Variants in KIFAP3 observed in about 807,000 individuals in gnomAD.
The protein encoded by KIFAP3 is kinesin associated protein 3, also known as kinesin-associated protein 3.
In KIFAP3, 68 loss-of-function variants were observed where a neutral mutation model predicts 106.5. The observed-to-expected ratio is 0.64, with a 90% CI of 0.53 to 0.78. KIFAP3 has a LOEUF of 0.78. KIFAP3 is among the 30% of genes least tolerant of loss of function. The pLI is 0.00. For synonymous variants in KIFAP3, 320 were observed against 311.5 expected, an observed-to-expected ratio of 1.03 and a Z score of -0.29; for missense variants, 780 against 941.8, an observed-to-expected ratio of 0.83 and a Z score of 2.25.
intron 11 of KIFAP3, among the ~76,000 whole-genome samples, chr1:169,990,604 T>C (rs527833667): frequency 2.6e-5 from 4 of 152,194 alleles, no homozygotes; most frequent in Admixed American, 2.6e-4. Context: ...TAATTCAAAT[T>C]AGTGGAAGGT....
At chr1:169,950,948 C>G (rs1413306209) in intron 19 of KIFAP3, among the ~76,000 whole-genome samples, 1 of 151,826 alleles carries the variant, frequency 6.6e-6, no homozygotes, top group Non-Finnish European at 1.5e-5. Context: ...ATATGCCACA[C>G]TTTCAGATCC....
intron 15 of KIFAP3, among the ~76,000 whole-genome samples, chr1:169,980,876 C>T (rs1028772054): frequency 1.4e-4 from 22 of 152,142 alleles, no homozygotes; most frequent in East Asian, 1.4e-3. Context: ...CCGAGGTGGG[C>T]GGATCACCTG....
At chr1:170,033,727 AACAGAATGCTAAACC>A (rs1466719910) in intron 7 of KIFAP3, among the ~76,000 whole-genome samples, 1 of 151,788 alleles carries the variant, frequency 6.6e-6, no homozygotes, top group African/African-American at 2.4e-5. Flanking sequence ...TATTATAATA[AACAGAATGCTAAACC>A]ACAGAATGGG....
At position 170,046,634 on chromosome 1, in the gene KIFAP3, T is replaced by C. The variant is rs894305987; in HGVS notation, c.319+78A>G. Reference sequence around the variant, plus strand: ...TCAAATATCAATAGTTTGATAAACTTTTTTTTATAGTTGCTTGATGAACTA... The same window carrying C: ...TCAAATATCAATAGTTTGATAAACTCTTTTTTATAGTTGCTTGATGAACTA... On this transcript the variant is annotated intron_variant, in intron 3 of 19. Transcript: ENST00000361580. 4.1e-6 allele frequency: 5 copies of C among 1,205,466 alleles called. No individual in the cohort carries two copies. The African/African-American group carries it at 7.8e-5, about 19-fold the overall frequency. The allele number at this position is 1,205,466 out of a possible 1,614,324, so 74.7% of individuals were successfully genotyped here. A position where few individuals can be genotyped will look rare whatever the true frequency, so the allele number is the denominator to read the frequency against.
At chr1:170,049,532 C>T (rs886293961) in intron 2 of KIFAP3, among the ~76,000 whole-genome samples, 1 of 152,332 alleles carries the variant, frequency 6.6e-6, no homozygotes, top group East Asian at 1.9e-4. Flanking sequence ...CCCCATGCCT[C>T]CTGACTGGGA....
intron 19 of KIFAP3, among the ~76,000 whole-genome samples, chr1:169,933,122 T>A (rs910596283): frequency 1.3e-5 from 2 of 152,010 alleles, no homozygotes; most frequent in Non-Finnish European, 2.9e-5. Flanking sequence ...ACTTAAAAAA[T>A]TTGATTCTAA....
At chr1:169,969,820 G>C (rs1665813240) in intron 17 of KIFAP3, among the ~76,000 whole-genome samples, 1 of 151,982 alleles carries the variant, frequency 6.6e-6, no homozygotes, top group Non-Finnish European at 1.5e-5. Context: ...CATGTTTAGA[G>C]AATAGTATCT....
intron 3 of KIFAP3, among the ~76,000 whole-genome samples, chr1:170,043,077 C>T (rs114384374): frequency 0.011 from 1,626 of 152,286 alleles, 33 homozygotes; most frequent in African/African-American, 0.035. Flanking sequence ...TGGGCATAGC[C>T]TAGCTGCAGT....
Position 170,027,177 on chromosome 1 carries a change from C to T in KIFAP3, c.842-2581G>A, listed in dbSNP as rs183676688. ...TGGGATTATAGGCATCCACCACCAA[C>T]GCCTGGCTAATTTTGTATTTTTAGT... On this transcript the variant is annotated intron_variant, in intron 8 of 19. Coordinates refer to ENST00000361580, the MANE Select transcript of KIFAP3 (RefSeq NM_014970.4). Among the ~76,000 whole-genome samples the T allele has an allele frequency of 3.7e-3, 558 of 152,068 alleles. 2 individuals are homozygous for T. Among genetic ancestry groups the T allele is most frequent in the Middle Eastern group, 0.017 (5 of 294 alleles).
chr1:170,056,063 G>A (rs1471639250), intron 1 of KIFAP3, among the ~76,000 whole-genome samples: 1 of 151,714 alleles, frequency 6.6e-6, no homozygotes, highest in Non-Finnish European at 1.5e-5. Flanking sequence ...CCCTCTGATG[G>A]TGCCACTGCA....
chr1:169,929,380 C>T (rs556040065), intron 19 of KIFAP3, among the ~76,000 whole-genome samples: 1 of 152,074 alleles, frequency 6.6e-6, no homozygotes, highest in African/African-American at 2.4e-5. Flanking sequence ...GTCTTGAACA[C>T]TGAAAAATGT....
Position 169,969,450 on chromosome 1 carries a change from A to G in KIFAP3, c.1983+3063T>C, listed in dbSNP as rs964223131. Among the ~76,000 whole-genome samples, 42 of 152,154 alleles carry G rather than the reference A, an allele frequency of 2.8e-4. 1 individual carries two copies. The highest frequency in any genetic ancestry group is 9.1e-4 in the African/African-American group (38 of 41,558). On this transcript the variant is annotated intron_variant, in intron 17 of 19. Coordinates refer to ENST00000361580, the MANE Select transcript of KIFAP3 (RefSeq NM_014970.4). ...AGCTATATTGGTTTCTTTCCTTTTA[A>G]TAAACCAGCCTTATTAAGTACAATT...
rs1033745277 is a variant in KIFAP3, at chr1:169,960,213, T to C, written c.2173+833A>G. Among the ~76,000 whole-genome samples the C allele has an allele frequency of 1.6e-4, 25 of 152,050 alleles. 1 individual carries two copies. The highest frequency in any genetic ancestry group is 2.0e-4 in the Admixed American group (3 of 15,250). ...ACACAAAATATTTAGAGAACATATATTGAGAACACTAAATGCATAGTAGAA... is the reference window on the plus strand; with the variant it reads ...ACACAAAATATTTAGAGAACATATACTGAGAACACTAAATGCATAGTAGAA... On this transcript the variant is annotated intron_variant, in intron 18 of 19. Transcript: ENST00000361580.
intron 3 of KIFAP3, among the ~76,000 whole-genome samples, chr1:170,043,622 A>G (rs1670094246): frequency 6.6e-6 from 1 of 152,156 alleles, no homozygotes; most frequent in African/African-American, 2.4e-5. Flanking sequence ...TAACAAGGGA[A>G]TGGTGAAGGG....
At chr1:170,026,923 G>C (rs1669139470) in intron 8 of KIFAP3, among the ~76,000 whole-genome samples, 2 of 150,318 alleles carry the variant, frequency 1.3e-5, no homozygotes, top group Admixed American at 1.3e-4. Context: ...CTGTTTCCAA[G>C]TAATTTAACT....
intron 16 of KIFAP3, among the ~76,000 whole-genome samples, chr1:169,976,827 A>C (rs1214064704): frequency 1.3e-5 from 2 of 152,012 alleles, no homozygotes; most frequent in Non-Finnish European, 2.9e-5. Context: ...TGTGATAATC[A>C]CTGCTTCGGT....
chr1:169,922,113 A>G (rs1160756825), intron 19 of KIFAP3, among the ~76,000 whole-genome samples: 1 of 152,234 alleles, frequency 6.6e-6, no homozygotes, highest in Non-Finnish European at 1.5e-5. Context: ...TTTACATGCT[A>G]GCAATGATCA....
intron 8 of KIFAP3, among the ~76,000 whole-genome samples, chr1:170,027,164 C>A (rs1183528773): frequency 2.6e-5 from 4 of 151,944 alleles, no homozygotes; most frequent in Admixed American, 6.6e-5. Flanking sequence ...GGATTATAGG[C>A]ATCCACCACC....
rs762733223 is a variant in KIFAP3 at position 170,049,683 on chromosome 1, AC to A, written c.165-2818del. ...CTGTTCAGCAGCTTCCACTGGTAAT[AC>A]CCAGGAGGACGGGGTCTGGAGTGGA... On this transcript the variant is annotated intron_variant, in intron 2 of 19. Transcript: ENST00000361580. Among the ~76,000 whole-genome samples, 11 of 152,278 alleles carry A rather than the reference AC, an allele frequency of 7.2e-5. No individual in the cohort carries two copies. The East Asian group carries it at 2.1e-3, about 29-fold the overall frequency.
Sources: allele counts gnomAD v4.1 joint callset (sites outside exome capture counted in the v4.1 genomes callset), GRCh38; gene constraint gnomAD v4.1.1; transcripts MANE v1.5; gene names NCBI Gene and HGNC (gene_info 2026-07-23, HGNC 2026-07-21).